Variants in LYSET observed in about 807,000 individuals in gnomAD.
The protein encoded by LYSET is GNPTAB cleavage and activity factor.
the LYSET span, chr14:93,186,168 C>A: frequency 7.5e-7 from 1 of 1,337,570 alleles, no homozygotes; most frequent in South Asian, 1.4e-5. Flanking sequence ...CGCGCCCGGC[C>A]TAGAATTCTT....
the LYSET span, chr14:93,186,558 A>G: frequency 3.1e-6 from 5 of 1,614,114 alleles, no homozygotes; most frequent in African/African-American, 5.3e-5. Flanking sequence ...AGCTGATCCC[A>G]AAACAGTGGG....
the LYSET span, among the ~76,000 whole-genome samples, chr14:93,185,868 C>CTT: frequency 0.22 from 31,301 of 141,666 alleles, 3,696 homozygotes; most frequent in South Asian, 0.31. Context: ...TTTTAGAATT[C>CTT]TTTTTTTTTT....
At chr14:93,185,868 CT>C in the LYSET span, among the ~76,000 whole-genome samples, 114 of 141,712 alleles carry the variant, frequency 8.0e-4, no homozygotes, top group Admixed American at 6.3e-4. Context: ...TTTTAGAATT[CT>C]TTTTTTTTTT....
the LYSET span, among the ~76,000 whole-genome samples, chr14:93,185,813 GTGT>G: frequency 6.6e-6 from 1 of 150,414 alleles, no homozygotes; most frequent in Admixed American, 6.6e-5. Flanking sequence ...TTCTTAATAG[GTGT>G]TTAATTTAAT....
chr14:93,187,126 C>A, the LYSET span: 1 of 168,574 alleles, frequency 5.9e-6, no homozygotes, highest in African/African-American at 2.4e-5. Flanking sequence ...CTTAAAACAC[C>A]GATTCATTCT....
chr14:93,185,318 C>T, the LYSET span: 7 of 1,323,882 alleles, frequency 5.3e-6, no homozygotes, highest in Non-Finnish European at 7.6e-6. Context: ...TTCTTAATCA[C>T]TAGTAGCTGG....
At chr14:93,186,777 C>G in the LYSET span, 5 of 1,268,822 alleles carry the variant, frequency 3.9e-6, no homozygotes, top group Non-Finnish European at 5.4e-6. Flanking sequence ...TGTCGTGGGG[C>G]AGAGGCTTTT....
At chr14:93,187,723 A>G in the LYSET span, among the ~76,000 whole-genome samples, 1 of 152,108 alleles carries the variant, frequency 6.6e-6, no homozygotes, top group Non-Finnish European at 1.5e-5. Flanking sequence ...CCTTCGGCTC[A>G]CTGCAACCTC....
the LYSET span, among the ~76,000 whole-genome samples, chr14:93,185,883 T>TTA: frequency 4.6e-5 from 7 of 151,422 alleles, no homozygotes; most frequent in South Asian, 1.2e-3. Flanking sequence ...TTTTTTTTTT[T>TTA]AATTAGACAG....
the LYSET span, chr14:93,186,644 C>G: frequency 1.2e-6 from 2 of 1,609,424 alleles, no homozygotes; most frequent in African/African-American, 2.7e-5. Context: ...CTAATCAGAT[C>G]AGCAGACTAC....
chr14:93,187,059 A>G, the LYSET span: 87 of 187,224 alleles, frequency 4.6e-4, no homozygotes, highest in East Asian at 9.8e-3. Context: ...AGGTCCAGAC[A>G]TGATCATAAA....
the LYSET span, chr14:93,186,588 T>G: frequency 6.2e-7 from 1 of 1,614,246 alleles, no homozygotes; most frequent in Non-Finnish European, 8.5e-7. Flanking sequence ...CATCCCTATA[T>G]GCTTGGCAGT....
the LYSET span, chr14:93,185,046 C>T: frequency 6.6e-6 from 1 of 150,566 alleles, no homozygotes; most frequent in Non-Finnish European, 1.5e-5. Flanking sequence ...AGATCCGGGA[C>T]CTCAGCTTTG....
the LYSET span, among the ~76,000 whole-genome samples, chr14:93,187,824 A>T: frequency 9.6e-5 from 13 of 135,190 alleles, no homozygotes; most frequent in South Asian, 2.4e-4. Context: ...GATTTTTGTT[A>T]TTTTAGTAGA....
chr14:93,187,612 G>A, the LYSET span, among the ~76,000 whole-genome samples: 3 of 151,974 alleles, frequency 2.0e-5, no homozygotes, highest in African/African-American at 7.2e-5. Context: ...AATCTAGCAG[G>A]TTATTTATTA....
the LYSET span, chr14:93,185,395 C>T: frequency 3.7e-6 from 6 of 1,611,268 alleles, no homozygotes; most frequent in East Asian, 1.1e-4. Flanking sequence ...TTTATGTTGG[C>T]TTTCTCTGAA....
the LYSET span, among the ~76,000 whole-genome samples, chr14:93,187,401 G>T: frequency 6.6e-6 from 1 of 151,960 alleles, no homozygotes; most frequent in Non-Finnish European, 1.5e-5. Flanking sequence ...TAGGATTACA[G>T]GTGTGAGCTA....
chr14:93,185,293 G>A, the LYSET span: 12 of 1,013,576 alleles, frequency 1.2e-5, no homozygotes, highest in East Asian at 2.7e-5. Flanking sequence ...CGCGTGACCC[G>A]CCGCAGTCAC....
the LYSET span, among the ~76,000 whole-genome samples, chr14:93,185,730 G>T: frequency 2.6e-5 from 4 of 151,996 alleles, no homozygotes; most frequent in African/African-American, 9.7e-5. Context: ...GAAATCAATG[G>T]TTTTTTGTTT....
Sources: gnomAD v4.1 joint callset for allele counts (sites outside exome capture counted in the v4.1 genomes callset) on GRCh38, gnomAD v4.1.1 for gene constraint, MANE v1.5 for transcripts, NCBI Gene and HGNC (gene_info 2026-07-23, HGNC 2026-07-21) for gene names.